KLF12: variants seen among roughly 807,000 people sequenced by gnomAD.
The protein encoded by KLF12 is Krueppel-like factor 12.
In KLF12, 9 loss-of-function variants were observed where a neutral mutation model predicts 37.8. The ratio of observed to expected loss-of-function variants is 0.24; its 90% confidence interval spans 0.14 to 0.42. KLF12 has a LOEUF of 0.42. Ranked by LOEUF, KLF12 falls within the 10% of genes least tolerant of loss-of-function variation. The pLI, the probability that KLF12 is intolerant of heterozygous loss-of-function variation, is 1.00. For missense variants in KLF12, 411 were observed against 516.0 expected, an observed-to-expected ratio of 0.80 and a Z score of 1.97; for synonymous variants, 208 against 202.1, an observed-to-expected ratio of 1.03 and a Z score of -0.25.
intron 5 of KLF12, among the ~76,000 whole-genome samples, chr13:73,767,122 G>C (rs1879967088): frequency 6.6e-6 from 1 of 152,188 alleles, no homozygotes; most frequent in South Asian, 2.1e-4. Context: ...TGATAAAGTA[G>C]ACCATAAGCC....
chr13:73,688,187 A>G lies in KLF12; in HGVS notation c.*7303T>C, dbSNP rs1312731376. The G allele has an allele frequency of 6.6e-6, 1 of 152,424 alleles. No individual in the cohort carries two copies. Among genetic ancestry groups the G allele is most frequent in the Non-Finnish European group, 1.5e-5 (1 of 67,988 alleles). The allele number at this position is 152,424 out of a possible 1,614,324, so 9.4% of individuals were successfully genotyped here. Reference sequence around the variant, plus strand: ...TCCATTAGTACTTCCATGAATCAATACTGTCAGAGACCTTGTTCTACACAG... The same window carrying G: ...TCCATTAGTACTTCCATGAATCAATGCTGTCAGAGACCTTGTTCTACACAG... On this transcript the variant is annotated 3_prime_UTR_variant, in exon 8 of 8. Coordinates refer to ENST00000377669, the MANE Select transcript of KLF12 (RefSeq NM_007249.5).
At chr13:74,130,501 A>C (rs941567622) in intron 1 of KLF12, among the ~76,000 whole-genome samples, 7 of 152,126 alleles carry the variant, frequency 4.6e-5, no homozygotes, top group Non-Finnish European at 1.0e-4. Context: ...TGTCTACAAA[A>C]AAATTTTTAG....
chr13:73,944,057 A>C lies in KLF12; in HGVS notation c.47T>G (p.Phe16Cys). The C allele has an allele frequency of 6.2e-7, 1 of 1,607,144 alleles. No individual in the cohort carries two copies. The highest frequency in any genetic ancestry group is 8.5e-7 in the Non-Finnish European group (1 of 1,174,828). The stretch of plus-strand genomic sequence containing the variant: ...ATCAAGCATTAACATTCTGTTCTCA[A>C]AGGTGTTGATATTCTGAGAATAGAA... Residue 16 changes from phenylalanine to cysteine, a missense_variant, in exon 3 of 8, where the codon TTT (phenylalanine) becomes TGT (cysteine). This residue lies in a region of KLF12 where 351 missense variants were observed against 397.8 expected (regional missense o/e 0.88). Transcript: ENST00000377669.
rs979440678 is a variant in KLF12, at chr13:73,903,989, C to A, written c.123+39992G>T. 3.3e-5 allele frequency among the ~76,000 whole-genome samples: 5 copies of A among 152,086 alleles called. No homozygotes were observed. The South Asian group carries it at 1.0e-3, about 32-fold the overall frequency. ...TCTTCCATAAAACTGGGCCCTGGTG[C>A]CAAAAAAGGTGATGACTGCTGCACT... On this transcript the variant is annotated intron_variant, in intron 3 of 7. Transcript: ENST00000377669.
the KLF12 span, among the ~76,000 whole-genome samples, chr13:74,226,973 T>G: frequency 6.6e-6 from 1 of 152,138 alleles, no homozygotes. Context: ...TCTTCCCCAC[T>G]CCAAGGTTTT....
intron 1 of KLF12, among the ~76,000 whole-genome samples, chr13:74,063,004 T>A (rs1873695161): frequency 6.6e-6 from 1 of 152,118 alleles, no homozygotes; most frequent in Non-Finnish European, 1.5e-5. Context: ...CCCCAGCCGG[T>A]GTGAAATGGT....
At chr13:73,843,695 G>A (rs967944290) in intron 4 of KLF12, among the ~76,000 whole-genome samples, 1 of 152,162 alleles carries the variant, frequency 6.6e-6, no homozygotes, top group Admixed American at 6.5e-5. Context: ...ATGAAGATTA[G>A]TGAGATTAAA....
the KLF12 span, among the ~76,000 whole-genome samples, chr13:74,229,768 G>C: frequency 1.3e-5 from 2 of 152,104 alleles, no homozygotes; most frequent in South Asian, 4.1e-4. Flanking sequence ...GATTGGTTTG[G>C]AAGGCCAAAA....
the KLF12 span, among the ~76,000 whole-genome samples, chr13:74,200,552 G>A: frequency 6.6e-6 from 1 of 152,068 alleles, no homozygotes; most frequent in Admixed American, 6.6e-5. Context: ...ATTGAAGAAT[G>A]TAAAACCAGC....
At chr13:74,066,762 A>C (rs904497804) in intron 1 of KLF12, among the ~76,000 whole-genome samples, 1 of 152,204 alleles carries the variant, frequency 6.6e-6, no homozygotes, top group African/African-American at 2.4e-5. Context: ...AATATCAAAG[A>C]TAGCTGTCTT....
the KLF12 span, among the ~76,000 whole-genome samples, chr13:74,251,479 A>G: frequency 6.6e-6 from 1 of 152,096 alleles, no homozygotes; most frequent in Non-Finnish European, 1.5e-5. Flanking sequence ...TCACTTTTAT[A>G]TAGAATGGGT....
intron 3 of KLF12, among the ~76,000 whole-genome samples, chr13:73,938,461 C>G (rs1428262591): frequency 6.6e-6 from 1 of 152,132 alleles, no homozygotes; most frequent in South Asian, 2.1e-4. Flanking sequence ...AAAAAGCACC[C>G]GTCTCCAAAT....
At chr13:73,769,776 G>A (rs573985880) in intron 5 of KLF12, among the ~76,000 whole-genome samples, 1 of 152,222 alleles carries the variant, frequency 6.6e-6, no homozygotes, top group East Asian at 1.9e-4. Flanking sequence ...AGTTGCTCAG[G>A]CCAAAAACCC....
At chr13:73,817,490 G>C (rs1883298054) in intron 4 of KLF12, among the ~76,000 whole-genome samples, 1 of 152,162 alleles carries the variant, frequency 6.6e-6, no homozygotes, top group East Asian at 1.9e-4. Context: ...CAATGATGGA[G>C]ATGAACTACA....
intron 2 of KLF12, among the ~76,000 whole-genome samples, chr13:73,953,779 A>G (rs538706200): frequency 6.6e-6 from 1 of 152,174 alleles, no homozygotes; most frequent in Non-Finnish European, 1.5e-5. Flanking sequence ...CCTGGAAAAA[A>G]ATAGTGCTGA....
intron 1 of KLF12, among the ~76,000 whole-genome samples, chr13:74,013,706 T>TAATTGAACAATGAGATCACATGGAC (rs1892609475): frequency 6.6e-6 from 1 of 152,116 alleles, no homozygotes; most frequent in African/African-American, 2.4e-5. Context: ...ATGCAGCTTC[T>TAATTGAACAATGAGATCACATGGAC]ACTGAAGCAT....
intron 5 of KLF12, among the ~76,000 whole-genome samples, chr13:73,765,658 T>G (rs569605116): frequency 6.6e-6 from 1 of 152,192 alleles, no homozygotes; most frequent in Non-Finnish European, 1.5e-5. Context: ...ACTTATCCAC[T>G]GGAAACAGCT....
chr13:73,729,533 C>T (rs925176181), intron 6 of KLF12, among the ~76,000 whole-genome samples: 2 of 152,146 alleles, frequency 1.3e-5, no homozygotes, highest in African/African-American at 2.4e-5. Context: ...TGGTTAATTG[C>T]TAAGGAATGA....
intron 3 of KLF12, among the ~76,000 whole-genome samples, chr13:73,933,303 AT>A (rs1207007558): frequency 6.6e-6 from 1 of 152,076 alleles, no homozygotes; most frequent in Non-Finnish European, 1.5e-5. Context: ...ATCTTTTTCT[AT>A]CCTTTCACTT....
Sources: gnomAD v4.1 joint callset for allele counts (sites outside exome capture counted in the v4.1 genomes callset) on GRCh38, gnomAD v4.1.1 for gene constraint, gnomAD v4.1.1 regional missense constraint, MANE v1.5 for transcripts, NCBI Gene and HGNC (gene_info 2026-07-23, HGNC 2026-07-21) for gene names.